STS: variants seen among roughly 807,000 people sequenced by gnomAD.
STS encodes steroid sulfatase, also known as steryl-sulfatase.
A neutral mutation model predicts 26.8 loss-of-function variants in STS; 7 were observed. The ratio of observed to expected loss-of-function variants is 0.26; its 90% CI spans 0.15 to 0.49. The LOEUF is 0.49. Ranked by LOEUF, STS falls within the 20% of genes least tolerant of loss-of-function variation. The pLI, the probability that STS is intolerant of heterozygous loss-of-function variation, is 0.98. For synonymous variants in STS, 199 were observed against 189.4 expected, an observed-to-expected ratio of 1.05 and a Z score of -0.42; for missense variants, 434 against 465.6, an observed-to-expected ratio of 0.93 and a Z score of 0.63.
chrX:7,334,309 C>T (rs1316146102), intron 10 of STS, among the ~76,000 whole-genome samples: 1 of 111,169 alleles, frequency 9.0e-6, no homozygotes, highest in Non-Finnish European at 1.9e-5. Context: ...GGTAGGAGGA[C>T]ATCAGAAGGC....
At chrX:7,155,021 A>G (rs148146933) in intron 1 of STS, among the ~76,000 whole-genome samples, 1,765 of 112,239 alleles carry the variant, frequency 0.016, 19 homozygotes, top group Middle Eastern at 0.032. Flanking sequence ...TGGAGGGAAC[A>G]GAAAGCTGGT....
chrX:7,278,526 A>G (rs1382190529), intron 7 of STS, among the ~76,000 whole-genome samples: 2 of 112,122 alleles, frequency 1.8e-5, no homozygotes, highest in African/African-American at 6.5e-5. Flanking sequence ...AGTGACCAAG[A>G]ACCTTTATTA....
At chrX:7,197,407 C>T (rs1202373639) in intron 2 of STS, among the ~76,000 whole-genome samples, 1 of 110,722 alleles carries the variant, frequency 9.0e-6, no homozygotes, top group African/African-American at 3.3e-5. Context: ...GGGGAGTCCA[C>T]AGTACAAAGT....
chrX:7,324,430 G>C (rs1272602817), intron 8 of STS, among the ~76,000 whole-genome samples: 7 of 111,695 alleles, frequency 6.3e-5, no homozygotes, highest in Non-Finnish European at 1.3e-4. Context: ...GGATCAGGGA[G>C]AAGACCCCAA....
chrX:7,152,054 G>C (rs1443354571), intron 1 of STS, among the ~76,000 whole-genome samples: 3 of 110,691 alleles, frequency 2.7e-5, no homozygotes, highest in African/African-American at 9.9e-5. Flanking sequence ...TCGGGTTCAC[G>C]CCGTTCTCCT....
intron 6 of STS, among the ~76,000 whole-genome samples, chrX:7,260,034 C>T (rs1227360716): frequency 9.0e-6 from 1 of 111,668 alleles, no homozygotes; most frequent in Non-Finnish European, 1.9e-5. Context: ...CGCCACCACA[C>T]CTGGCTAATT....
intron 1 of STS, among the ~76,000 whole-genome samples, chrX:7,175,405 G>T (rs1426180804): frequency 8.1e-5 from 9 of 110,561 alleles, no homozygotes; most frequent in Non-Finnish European, 1.3e-4. Flanking sequence ...GAAGTAGGAA[G>T]ATAACCTGAG....
At chrX:7,319,150 A>G (rs1157142525) in intron 8 of STS, among the ~76,000 whole-genome samples, 4 of 109,789 alleles carry the variant, frequency 3.6e-5, no homozygotes, top group African/African-American at 9.9e-5. Context: ...TTGTGAAACT[A>G]TGTGCTTTGT....
At chrX:7,313,649 T>A (rs1926580698) in intron 8 of STS, among the ~76,000 whole-genome samples, 1 of 111,837 alleles carries the variant, frequency 8.9e-6, no homozygotes, top group Admixed American at 9.5e-5. Context: ...ATGCATTTGG[T>A]TTAATTTTAC....
chrX:7,285,204 A>G (rs1925073601), intron 7 of STS, among the ~76,000 whole-genome samples: 1 of 111,605 alleles, frequency 9.0e-6, no homozygotes, highest in Admixed American at 9.6e-5. Flanking sequence ...TGGAGATGGC[A>G]TATGATGGCT....
intron 1 of STS, among the ~76,000 whole-genome samples, chrX:7,153,814 C>A (rs4830622): frequency 0.25 from 23,250 of 92,140 alleles, 2,299 homozygotes; most frequent in Middle Eastern, 0.38. Context: ...TCCTCAACTC[C>A]CTCCCTCTCT....
chrX:7,323,883 A>T (rs1208410488), intron 8 of STS, among the ~76,000 whole-genome samples: 23 of 110,824 alleles, frequency 2.1e-4, no homozygotes, highest in African/African-American at 7.2e-4. Context: ...TAAAGTCAGC[A>T]GCATAGCATC....
intron 10 of STS, among the ~76,000 whole-genome samples, chrX:7,348,383 C>T (rs780359381): frequency 3.6e-5 from 4 of 112,159 alleles, no homozygotes; most frequent in East Asian, 2.8e-4. Context: ...CACAAATGAT[C>T]GGGATGACTT....
Position 7,205,382 on chromosome X carries a change from G to C in STS, c.-5+14374G>C, listed in dbSNP as rs185584214. On this transcript the variant is annotated intron_variant, in intron 2 of 10. Coordinates refer to ENST00000674429, the MANE Select transcript of STS (RefSeq NM_001320752.2). The stretch of plus-strand genomic sequence containing the variant: ...TTCTTTGGGGATATTACATGTGAGA[G>C]TGCAACCACAGAAAATCACATCAAT... Among the ~76,000 whole-genome samples, 7 of 111,655 alleles carry C rather than the reference G, an allele frequency of 6.3e-5. No individual in the cohort carries two copies. In the East Asian group the frequency reaches 1.1e-3, roughly 18 times the overall value.
intron 7 of STS, among the ~76,000 whole-genome samples, chrX:7,283,844 G>A (rs772771702): frequency 9.0e-6 from 1 of 111,211 alleles, no homozygotes; most frequent in Admixed American, 9.6e-5. Context: ...CAAAGGTGTT[G>A]GAAGGCTGGG....
At position 7,290,630 on chromosome X, in the gene STS, T is replaced by G. The variant is rs1252545428; in HGVS notation, c.944-14416T>G. 2.7e-5 allele frequency among the ~76,000 whole-genome samples: 3 copies of G among 111,621 alleles called. 1 individual carries two copies. Among genetic ancestry groups the G allele is most frequent in the Non-Finnish European group, 5.7e-5 (3 of 53,013 alleles). On this transcript the variant is annotated intron_variant, in intron 7 of 10. Transcript: ENST00000674429. ...CACAGTGTATACTGGGACGATGATA[T>G]CATACCACTTCTGGCTTCAGCATAT...
At chrX:7,155,076 G>A (rs1420241824) in intron 1 of STS, among the ~76,000 whole-genome samples, 2 of 111,750 alleles carry the variant, frequency 1.8e-5, no homozygotes, top group African/African-American at 6.5e-5. Context: ...CATAAGCCTG[G>A]AAAATGTGCT....
chrX:7,337,030 TAAC>T (rs1333206889), intron 10 of STS, among the ~76,000 whole-genome samples: 1 of 111,600 alleles, frequency 9.0e-6, no homozygotes, highest in South Asian at 3.7e-4. Flanking sequence ...CTTGAACTGG[TAAC>T]AAAAAAAGGA....
At position 7,350,993 on chromosome X, in the gene STS, G is replaced by C; in HGVS notation, c.*732G>C. On this transcript the variant is annotated 3_prime_UTR_variant, in exon 11 of 11. Transcript: ENST00000674429. ...GCTTAACACTATTTAAGTAAATACA[G>C]TAGAAGCTCACAAATAGATTTCTTT... 1 of 112,548 alleles carries C rather than the reference G, an allele frequency of 8.9e-6. No homozygotes were observed. Among genetic ancestry groups the C allele is most frequent in the South Asian group, 3.7e-4 (1 of 2,726 alleles). 9.3% of individuals were successfully genotyped at this position (112,548 alleles called of 1,213,427 possible). A position where few individuals can be genotyped will look rare whatever the true frequency, so the allele number is the denominator to read the frequency against.
Sources: allele counts gnomAD v4.1 joint callset (sites outside exome capture counted in the v4.1 genomes callset), GRCh38; gene constraint gnomAD v4.1.1; transcripts MANE v1.5; gene names NCBI Gene and HGNC (gene_info 2026-07-23, HGNC 2026-07-21).